MACROD2: variants seen among roughly 807,000 people sequenced by gnomAD.
MACROD2 encodes mono-ADP ribosylhydrolase 2.
In MACROD2, 36 loss-of-function variants were observed where a neutral mutation model predicts 70.4. The observed-to-expected ratio is 0.51, with a 90% CI of 0.39 to 0.68. The LOEUF (loss-of-function observed/expected upper bound fraction) is 0.68. Among genes scored for constraint, MACROD2 ranks in the 30% least tolerant of loss-of-function variants. MACROD2 has a pLI of 0.00. For missense variants in MACROD2, 496 were observed against 538.4 expected, an observed-to-expected ratio of 0.92 and a Z score of 0.78; for synonymous variants, 172 against 178.8, an observed-to-expected ratio of 0.96 and a Z score of 0.30.
chr20:15,061,794 G>A (rs2075534997), intron 5 of MACROD2, among the ~76,000 whole-genome samples: 1 of 152,190 alleles, frequency 6.6e-6, no homozygotes, highest in Non-Finnish European at 1.5e-5. Flanking sequence ...AGATTTCCCT[G>A]GAAGCCTCCA....
intron 4 of MACROD2, among the ~76,000 whole-genome samples, chr20:14,593,416 T>C (rs1460092413): frequency 6.6e-6 from 1 of 152,174 alleles, no homozygotes; most frequent in African/African-American, 2.4e-5. Flanking sequence ...ATGAGGAATA[T>C]AATTAGCATA....
chr20:15,728,586 G>C (rs2050898226), intron 8 of MACROD2, among the ~76,000 whole-genome samples: 1 of 152,102 alleles, frequency 6.6e-6, no homozygotes, highest in Admixed American at 6.5e-5. Flanking sequence ...AGACATCATT[G>C]GTCCATTCAG....
intron 9 of MACROD2, among the ~76,000 whole-genome samples, chr20:15,883,174 G>T (rs2064779558): frequency 6.6e-6 from 1 of 151,988 alleles, no homozygotes; most frequent in Non-Finnish European, 1.5e-5. Context: ...AAATATAAGT[G>T]ACAAGCAAAG....
At chr20:15,516,585 G>A (rs981474128) in intron 8 of MACROD2, among the ~76,000 whole-genome samples, 1 of 152,118 alleles carries the variant, frequency 6.6e-6, no homozygotes, top group Non-Finnish European at 1.5e-5. Flanking sequence ...AAGACTCTGG[G>A]TGCGTTCTGG....
At chr20:15,374,503 C>T (rs1296315174) in intron 6 of MACROD2, among the ~76,000 whole-genome samples, 2 of 151,986 alleles carry the variant, frequency 1.3e-5, no homozygotes, top group Non-Finnish European at 2.9e-5. Context: ...GTTTACCTTC[C>T]ACATAAGATT....
chr20:14,422,982 C>T (rs1209495227), intron 3 of MACROD2, among the ~76,000 whole-genome samples: 2 of 152,198 alleles, frequency 1.3e-5, no homozygotes, highest in South Asian at 4.1e-4. Flanking sequence ...CTTTTATCAG[C>T]CCCGCCCACA....
chr20:14,417,485 C>G (rs2083822137), intron 3 of MACROD2, among the ~76,000 whole-genome samples: 2 of 152,154 alleles, frequency 1.3e-5, no homozygotes, highest in Non-Finnish European at 2.9e-5. Context: ...AGAGGTTTCA[C>G]ATCTCATTAC....
chr20:16,016,368 T>C (rs931114035), intron 15 of MACROD2, among the ~76,000 whole-genome samples: 1 of 152,214 alleles, frequency 6.6e-6, no homozygotes, highest in Non-Finnish European at 1.5e-5. Context: ...CTGCCTGTTA[T>C]GCAAGTGAGC....
intron 8 of MACROD2, among the ~76,000 whole-genome samples, chr20:15,800,410 T>C (rs2063713497): frequency 6.6e-6 from 1 of 152,224 alleles, no homozygotes; most frequent in Non-Finnish European, 1.5e-5. Context: ...GTAGTTTTTA[T>C]AGTTTCAGGT....
intron 3 of MACROD2, among the ~76,000 whole-genome samples, chr20:14,105,146 A>G (rs771556264): frequency 3.9e-5 from 6 of 152,190 alleles, no homozygotes; most frequent in Non-Finnish European, 7.3e-5. Context: ...TAGGAATACA[A>G]AATTTTAACA....
At chr20:14,165,316 G>C (rs1015136143) in intron 3 of MACROD2, among the ~76,000 whole-genome samples, 1 of 152,116 alleles carries the variant, frequency 6.6e-6, no homozygotes, top group African/African-American at 2.4e-5. Context: ...TGGGAACGTG[G>C]ACTGCTGGGG....
chr20:15,762,282 A>G lies in MACROD2; in HGVS notation c.646-100463A>G, dbSNP rs115747830. ...TACTGTTTTCATCTTACTCACGTGG[A>G]AAGTAAGGACAAGGCAGGTGACATT... On this transcript the variant is annotated intron_variant, in intron 8 of 17. Coordinates refer to ENST00000684519, the MANE Select transcript of MACROD2 (RefSeq NM_001351661.2). Among the ~76,000 whole-genome samples, 1,248 of 152,302 alleles carry G rather than the reference A, an allele frequency of 8.2e-3. 17 individuals are homozygous for G. Among genetic ancestry groups the G allele is most frequent in the African/African-American group, 0.028 (1,171 of 41,554 alleles).
intron 5 of MACROD2, among the ~76,000 whole-genome samples, chr20:15,065,144 C>T (rs2075563523): frequency 6.6e-6 from 1 of 152,186 alleles, no homozygotes; most frequent in South Asian, 2.1e-4. Flanking sequence ...CCTATTGTCT[C>T]AGCATGACTA....
intron 3 of MACROD2, among the ~76,000 whole-genome samples, chr20:14,354,140 C>A (rs768744012): frequency 6.6e-6 from 1 of 152,086 alleles, no homozygotes; most frequent in Admixed American, 6.6e-5. Flanking sequence ...GGGTTGTACA[C>A]CTTTTTAGAT....
chr20:14,393,664 C>T (rs2083550869), intron 3 of MACROD2, among the ~76,000 whole-genome samples: 1 of 152,054 alleles, frequency 6.6e-6, no homozygotes, highest in East Asian at 1.9e-4. Flanking sequence ...GAAATTTTGG[C>T]ATGAGTATAA....
At chr20:15,437,041 C>T (rs544942086) in intron 7 of MACROD2, among the ~76,000 whole-genome samples, 1 of 152,250 alleles carries the variant, frequency 6.6e-6, no homozygotes, top group South Asian at 2.1e-4. Flanking sequence ...CTTTCTATAT[C>T]TCCATAAACT....
intron 3 of MACROD2, among the ~76,000 whole-genome samples, chr20:14,299,347 T>G (rs1203502288): frequency 1.3e-5 from 2 of 152,178 alleles, no homozygotes; most frequent in Non-Finnish European, 2.9e-5. Context: ...TAAGGCATAT[T>G]GCATGCCTAA....
chr20:14,831,985 A>G lies in MACROD2; in HGVS notation c.418+147026A>G, dbSNP rs138452098. ...CCAGTGTTGCAACCAAAAGAAGCAGAGAAGATGTAGTCCCTACCCTCCCGC... is the reference window on the plus strand; with the variant it reads ...CCAGTGTTGCAACCAAAAGAAGCAGGGAAGATGTAGTCCCTACCCTCCCGC... On this transcript the variant is annotated intron_variant, in intron 5 of 17. Coordinates refer to ENST00000684519, the MANE Select transcript of MACROD2 (RefSeq NM_001351661.2). Among the ~76,000 whole-genome samples, 996 of 141,164 alleles carry G rather than the reference A, an allele frequency of 7.1e-3. 21 individuals carry two copies. Among genetic ancestry groups the G allele is most frequent in the Non-Finnish European group, 0.01 (660 of 64,234 alleles). The allele number at this position is 141,164 out of a possible 152,430, so 92.6% of individuals were successfully genotyped here.
chr20:15,691,104 G>A (rs78553178), intron 8 of MACROD2, among the ~76,000 whole-genome samples: 2,779 of 152,148 alleles, frequency 0.018, 34 homozygotes, highest in Non-Finnish European at 0.028. Flanking sequence ...AGTTCTAAGG[G>A]GTCTAGTTTT....
Sources: allele counts gnomAD v4.1 joint callset (sites outside exome capture counted in the v4.1 genomes callset), GRCh38; gene constraint gnomAD v4.1.1; transcripts MANE v1.5; gene names NCBI Gene and HGNC (gene_info 2026-07-23, HGNC 2026-07-21).